CFTR: variants seen among roughly 807,000 people sequenced by gnomAD.
CFTR encodes cystic fibrosis transmembrane conductance regulator.
Under a neutral mutation model 171.6 loss-of-function variants are expected in CFTR, and 181 were observed. The ratio of observed to expected loss-of-function variants is 1.05; its 90% confidence interval spans 0.93 to 1.19. CFTR has a LOEUF of 1.19. CFTR is among the 50% of genes most tolerant of loss of function. CFTR has a pLI of 0.00. For synonymous variants in CFTR, 583 were observed against 608.0 expected, an observed-to-expected ratio of 0.96 and a Z score of 0.60; for missense variants, 1,968 against 1,734.7, an observed-to-expected ratio of 1.13 and a Z score of -2.39.
chr7:117,553,521 A>G (rs1011706468), intron 10 of CFTR, among the ~76,000 whole-genome samples: 9 of 152,192 alleles, frequency 5.9e-5, no homozygotes, highest in Non-Finnish European at 2.9e-5. Context: ...TACTCATGCC[A>G]TACACTCTAA....
intron 8 of CFTR, among the ~76,000 whole-genome samples, chr7:117,540,631 T>C (rs1799037945): frequency 6.6e-6 from 1 of 152,208 alleles, no homozygotes; most frequent in Non-Finnish European, 1.5e-5. Flanking sequence ...AGTTTTCAAG[T>C]GATAAGACTC....
chr7:117,535,250 A>G lies in CFTR; in HGVS notation c.582A>G (p.Gly194=), dbSNP rs561270322. 6.2e-7 allele frequency: 1 copy of G among 1,614,034 alleles called. No homozygotes were observed. The highest frequency in any genetic ancestry group is 1.1e-5 in the South Asian group (1 of 91,078). Residue 194 remains glycine (G), a splice_region_variant and synonymous_variant, in exon 6 of 27, where the codon GGA becomes GGG. Transcript: ENST00000003084. The part of the protein sequence containing the change: ...LSNNLNKFDE[G]LALAHFVWIA... ...TTTGCTGTGCTTTTATTTTCCAGGG[A>G]CTTGCATTGGCACATTTCGTGTGGA...
intron 10 of CFTR, among the ~76,000 whole-genome samples, chr7:117,550,156 C>A (rs964329410): frequency 6.6e-6 from 1 of 151,884 alleles, no homozygotes; most frequent in Admixed American, 6.6e-5. Flanking sequence ...GGCAACATGG[C>A]AAACCCCACC....
chr7:117,667,089 T>C lies in CFTR; in HGVS notation c.4424T>C (p.Val1475Ala). The change falls in exon 27 of 27, where the codon GTG (valine) becomes GCG (alanine). Residue 1475 changes from valine (V) to alanine (A), a missense_variant. Coordinates refer to ENST00000003084, the MANE Select transcript of CFTR (RefSeq NM_000492.4). ...AALKEETEEE[V>A]QDTRL is the part of the protein sequence containing the mutation. ...CTGAAAGAGGAGACAGAAGAAGAGG[T>C]GCAAGATACAAGGCTTTAGAGAGCA... 2 of 1,613,764 alleles carry C rather than the reference T, an allele frequency of 1.2e-6. No homozygotes were observed. The highest frequency in any genetic ancestry group is 1.7e-6 in the Non-Finnish European group (2 of 1,179,904).
At chr7:117,542,189 A>G in intron 9 of CFTR, 81 bp downstream of exon 9, 1 of 753,298 alleles carries the variant, frequency 1.3e-6, no homozygotes, top group Non-Finnish European at 2.4e-6. Context: ...CCTAATGGCG[A>G]ATAAAATTAG....
chr7:117,565,366 C>A (rs1179666469), intron 11 of CFTR, among the ~76,000 whole-genome samples: 1 of 152,186 alleles, frequency 6.6e-6, no homozygotes, highest in East Asian at 1.9e-4. Context: ...ACTTCTCCTG[C>A]ACTTGACAAT....
At chr7:117,603,922 C>T in intron 17 of CFTR, 140 bp downstream of exon 17, 1 of 855,184 alleles carries the variant, frequency 1.2e-6, no homozygotes, top group South Asian at 1.4e-5. Flanking sequence ...CTGGCATGCA[C>T]ATGTCTCAGA....
At chr7:117,577,641 T>C (rs1321959939) in intron 11 of CFTR, among the ~76,000 whole-genome samples, 1 of 152,166 alleles carries the variant, frequency 6.6e-6, no homozygotes, top group Non-Finnish European at 1.5e-5. Flanking sequence ...GACTTTCATT[T>C]GCAAATACAG....
At chr7:117,513,024 C>T (rs1261500956) in intron 3 of CFTR, among the ~76,000 whole-genome samples, 1 of 152,072 alleles carries the variant, frequency 6.6e-6, no homozygotes, top group Non-Finnish European at 1.5e-5. Context: ...TGGATGAAAA[C>T]ATTGGGTAGG....
intron 1 of CFTR, among the ~76,000 whole-genome samples, chr7:117,481,103 G>A (rs1024149844): frequency 3.3e-5 from 5 of 152,146 alleles, no homozygotes; most frequent in Non-Finnish European, 7.4e-5. Flanking sequence ...ATGTGTGTAG[G>A]GGGGAAGGAA....
intron 22 of CFTR, 150 bp downstream of exon 22, chr7:117,627,920 A>G: frequency 1.3e-6 from 1 of 791,194 alleles, no homozygotes; most frequent in South Asian, 1.5e-5. Context: ...ATATGGAGTC[A>G]TTATTTTTAA....
At chr7:117,650,485 C>T (rs2116190247) in intron 23 of CFTR, among the ~76,000 whole-genome samples, 2 of 152,230 alleles carry the variant, frequency 1.3e-5, no homozygotes, top group Middle Eastern at 6.8e-3. Context: ...GACATACCTT[C>T]CAGGCCAGAA....
Position 117,559,500 on chromosome 7 carries a change from C to T in CFTR, c.1429C>T (p.Pro477Ser), listed in dbSNP as rs139054556. Residue 477 changes from proline to serine, a missense_variant, in exon 11 of 27, where the codon CCT (proline) becomes TCT (serine). Physicochemically the swap from Pro to Ser is moderately conservative, Grantham distance 74 (BLOSUM62 -1). Coordinates refer to ENST00000003084, the MANE Select transcript of CFTR (RefSeq NM_000492.4). Reference sequence around the variant, plus strand: ...AATGGTGATTATGGGAGAACTGGAGCCTTCAGAGGGTAAAATTAAGCACAG... The same window carrying T: ...AATGGTGATTATGGGAGAACTGGAGTCTTCAGAGGGTAAAATTAAGCACAG... Reference protein sequence around the residue: ...LLMVIMGELEPSEGKIKHSGR... With the variant: ...LLMVIMGELESSEGKIKHSGR... 1.6e-4 allele frequency: 259 copies of T among 1,610,844 alleles called. No homozygotes were observed. Among genetic ancestry groups the T allele is most frequent in the Non-Finnish European group, 2.1e-4 (250 of 1,177,436 alleles).
At chr7:117,535,444 A>T in intron 6 of CFTR, 33 bp downstream of exon 6, 1 of 1,607,480 alleles carries the variant, frequency 6.2e-7, no homozygotes, top group Non-Finnish European at 8.5e-7. Flanking sequence ...TGAAAGTTTT[A>T]AAAATTATGT....
At chr7:117,481,540 C>T (rs1234847630) in intron 1 of CFTR, among the ~76,000 whole-genome samples, 1 of 152,100 alleles carries the variant, frequency 6.6e-6, no homozygotes, top group East Asian at 1.9e-4. Flanking sequence ...TTACAAATCA[C>T]CTGACACATT....
chr7:117,496,856 A>T (rs1798248749), intron 1 of CFTR, among the ~76,000 whole-genome samples: 1 of 151,472 alleles, frequency 6.6e-6, no homozygotes, highest in African/African-American at 2.4e-5. Context: ...ACTCTTAAAA[A>T]TTACAGCCAT....
At chr7:117,603,883 C>A in intron 17 of CFTR, 101 bp downstream of exon 17, 1 of 1,282,274 alleles carries the variant, frequency 7.8e-7, no homozygotes, top group Non-Finnish European at 1.1e-6. Context: ...TGCACAGAGG[C>A]ATGTGCCCTT....
chr7:117,642,636 A>AT (rs373960014), intron 23 of CFTR, 43 bp downstream of exon 23: 5 of 1,588,510 alleles, frequency 3.1e-6, no homozygotes, highest in African/African-American at 2.7e-5. Context: ...ACTAAATTAT[A>AT]TTTTTTACTG....
chr7:117,552,882 A>T (rs1206786476), intron 10 of CFTR, among the ~76,000 whole-genome samples: 1 of 152,140 alleles, frequency 6.6e-6, no homozygotes, highest in African/African-American at 2.4e-5. Context: ...CCTGCCATTC[A>T]TATGTTGAAA....
Sources: gnomAD v4.1 joint callset for allele counts (sites outside exome capture counted in the v4.1 genomes callset) on GRCh38, gnomAD v4.1.1 for gene constraint, MANE v1.5 for transcripts, NCBI Gene and HGNC (gene_info 2026-07-23, HGNC 2026-07-21) for gene names.